Variants in DLAT observed in about 807,000 individuals in gnomAD.
DLAT encodes the protein dihydrolipoyllysine-residue acetyltransferase component of pyruvate dehydrogenase complex, mitochondrial.
DLAT carries 43 observed loss-of-function variants against 68.0 expected under a neutral mutation model. That is an observed-to-expected ratio of 0.63 (90% CI 0.50 to 0.81). The LOEUF is 0.81. DLAT is among the 40% of genes least tolerant of loss of function. The pLI, the probability that DLAT is intolerant of heterozygous loss-of-function variation, is 0.00. For missense variants in DLAT, 745 were observed against 815.4 expected (o/e 0.91, Z 1.05); for synonymous variants, 265 against 288.6 (o/e 0.92, Z 0.83).
Position 112,062,624 on chromosome 11 carries a change from A to G in DLAT, c.*89A>G. The G allele has an allele frequency of 7.0e-7, 1 of 1,431,434 alleles. No individual in the cohort carries two copies. 88.7% of individuals were successfully genotyped at this position (1,431,434 alleles called of 1,614,324 possible). On this transcript the variant is annotated 3_prime_UTR_variant, in exon 14 of 14. Coordinates refer to ENST00000280346, the MANE Select transcript of DLAT (RefSeq NM_001931.5). Reference sequence around the variant, plus strand: ...TGTTATTAAACAGGTGGTTCTTTTTATTTTAACCAGTTATTTTTATTATTG... The same window carrying G: ...TGTTATTAAACAGGTGGTTCTTTTTGTTTTAACCAGTTATTTTTATTATTG...
chr11:112,043,403 C>T lies in DLAT; in HGVS notation c.1130-63C>T, dbSNP rs372409186. 3.6e-4 allele frequency: 520 copies of T among 1,464,318 alleles called. No individual in the cohort carries two copies. The African/African-American group carries it at 6.5e-3, about 18-fold the overall frequency. 90.7% of individuals were successfully genotyped at this position (1,464,318 alleles called of 1,614,324 possible). On this transcript the variant is annotated intron_variant, in intron 7 of 13. Coordinates refer to ENST00000280346, the MANE Select transcript of DLAT (RefSeq NM_001931.5). Reference sequence around the variant, plus strand: ...AGGAGCTTGCAGTTTAGGATCACAGCGTTGATCTCCTTGGGGAACCAATGG... The same window carrying T: ...AGGAGCTTGCAGTTTAGGATCACAGTGTTGATCTCCTTGGGGAACCAATGG...
intron 5 of DLAT, among the ~76,000 whole-genome samples, chr11:112,036,202 T>G (rs1263676877): frequency 1.7e-3 from 36 of 21,226 alleles, no homozygotes; most frequent in African/African-American, 5.8e-3. Context: ...TGTGTGTGTG[T>G]TTTTTTTTTT....
chr11:112,059,540 G>A (rs782621147), intron 11 of DLAT, among the ~76,000 whole-genome samples: 5 of 151,906 alleles, frequency 3.3e-5, no homozygotes, highest in Non-Finnish European at 7.4e-5. Flanking sequence ...CTACAGCTGT[G>A]CACCACCATG....
chr11:112,036,459 C>T (rs1014462898), intron 5 of DLAT, among the ~76,000 whole-genome samples: 6 of 149,674 alleles, frequency 4.0e-5, no homozygotes, highest in East Asian at 2.0e-4. Context: ...GTGATCCACC[C>T]GCCTCGGTCT....
chr11:112,028,522 C>T lies in DLAT; in HGVS notation c.389C>T (p.Thr130Ile). Residue 130 changes from threonine (T) to isoleucine (I), a missense_variant, in exon 3 of 14, where the codon ACT becomes ATT. Coordinates refer to ENST00000280346, the MANE Select transcript of DLAT (RefSeq NM_001931.5). ...NEGDLIAEVE[T>I]DKATVGFESL... ...TGCTTTTTGTGTTAAAAGGTTGAAA[C>T]TGATAAAGCCACTGTTGGATTTGAG... 6.2e-7 allele frequency: 1 copy of T among 1,610,422 alleles called. No homozygotes were observed. The highest frequency in any genetic ancestry group is 8.5e-7 in the Non-Finnish European group (1 of 1,178,200).
chr11:112,050,778 A>G (rs587674618), intron 10 of DLAT, among the ~76,000 whole-genome samples: 2 of 152,330 alleles, frequency 1.3e-5, no homozygotes, highest in Admixed American at 6.5e-5. Context: ...TGATCTTTTC[A>G]AAGAACCAAA....
intron 4 of DLAT, 100 bp downstream of exon 4, chr11:112,029,045 G>A: frequency 7.4e-7 from 1 of 1,344,538 alleles, no homozygotes; most frequent in South Asian, 1.2e-5. Context: ...ATTAAATGTG[G>A]TTAGGTCTTG....
At chr11:112,032,893 C>A (rs1359727892) in intron 4 of DLAT, among the ~76,000 whole-genome samples, 1 of 152,082 alleles carries the variant, frequency 6.6e-6, no homozygotes, top group Non-Finnish European at 1.5e-5. Flanking sequence ...ATGGTAAAAC[C>A]CCATCTCTAC....
At chr11:112,029,747 G>T (rs1296679057) in intron 4 of DLAT, 2 of 405,016 alleles carry the variant, frequency 4.9e-6, no homozygotes, top group East Asian at 1.2e-4. Context: ...GCAGCAGCAG[G>T]CAGGGAAGCA....
In DLAT at chr11:112,025,782, C is replaced by G. The variant is rs149272698; in HGVS notation, c.279+31C>G. 2.1e-5 allele frequency: 34 copies of G among 1,611,774 alleles called. No individual in the cohort carries two copies. In the African/African-American group the frequency reaches 3.6e-4, roughly 17 times the overall value. ...CCCTAGACCCCCCTTCTCGGGACCCCGTTGTCCTTCAGAGCTGACTGGATG... is the reference window on the plus strand; with the variant it reads ...CCCTAGACCCCCCTTCTCGGGACCCGGTTGTCCTTCAGAGCTGACTGGATG... On this transcript the variant is annotated intron_variant, in intron 1 of 13. Transcript: ENST00000280346.
intron 8 of DLAT, among the ~76,000 whole-genome samples, 175 bp downstream of exon 8, chr11:112,043,708 C>A (rs1555181210): frequency 1.3e-5 from 2 of 152,100 alleles, no homozygotes. Context: ...CAGGAGCCCC[C>A]TTGTATACCA....
intron 5 of DLAT, among the ~76,000 whole-genome samples, chr11:112,034,929 A>G (rs1199118487): frequency 6.6e-6 from 1 of 151,724 alleles, no homozygotes; most frequent in Non-Finnish European, 1.5e-5. Context: ...ATGCACCACC[A>G]TGCCTGGCTA....
chr11:112,045,182 A>G lies in DLAT; in HGVS notation c.1242A>G (p.Pro414=), dbSNP rs782566195. 5.0e-6 allele frequency: 8 copies of G among 1,614,050 alleles called. No individual in the cohort carries two copies. The highest frequency in any genetic ancestry group is 6.8e-6 in the Non-Finnish European group (8 of 1,180,040). ...CTCCCACAGGTCCTGGAATGGCACC[A>G]GTTCCTACAGGTGTCTTCACAGATA... The part of the protein sequence containing the change: ...VVPPTGPGMA[P]VPTGVFTDIP... Residue 414 remains proline, a synonymous_variant, in exon 9 of 14, where the codon CCA becomes CCG. Transcript: ENST00000280346.
rs782491569 is a variant in DLAT, at chr11:112,025,709, G to A, written c.237G>A (p.Gly79=). The change falls in exon 1 of 14, where the codon GGG becomes GGA. Residue 79 remains glycine (G), a synonymous_variant. Coordinates refer to ENST00000280346, the MANE Select transcript of DLAT (RefSeq NM_001931.5). ...ACCGCTTACTGCTGCAGCTTTTGGG[G>A]TCGCCCGGCCGCCGCTATTACAGTC... is the stretch of plus-strand genomic sequence containing the variant. ...PRNRLLLQLL[G]SPGRRYYSLP... 1 of 1,612,788 alleles carries A rather than the reference G, an allele frequency of 6.2e-7. No homozygotes were observed. Among genetic ancestry groups the A allele is most frequent in the Non-Finnish European group, 8.5e-7 (1 of 1,179,936 alleles).
rs1555183010 is a variant in DLAT at position 112,059,963 on chromosome 11, T to A, written c.1575T>A (p.Ile525=). ...VSTPAGLITP[I]VFNAHIKGVE... ...CTCCTGCAGGACTCATCACACCTAT[T>A]GTGTTTAATGCACATATAAAAGGAG... Residue 525 remains isoleucine (I), a synonymous_variant, in exon 12 of 14, where the codon ATT becomes ATA. Coordinates refer to ENST00000280346, the MANE Select transcript of DLAT (RefSeq NM_001931.5). 2 of 1,613,972 alleles carry A rather than the reference T, an allele frequency of 1.2e-6. No individual in the cohort carries two copies. Among genetic ancestry groups the A allele is most frequent in the South Asian group, 2.2e-5 (2 of 91,072 alleles).
chr11:112,026,123 T>G (rs968500303), intron 1 of DLAT, 75 bp from the exon 2 acceptor site: 4 of 1,153,780 alleles, frequency 3.5e-6, no homozygotes, highest in Non-Finnish European at 5.1e-6. Flanking sequence ...GAAATTGAAT[T>G]GAATGAAATC....
intron 10 of DLAT, among the ~76,000 whole-genome samples, chr11:112,048,969 ATTT>A (rs34651095): frequency 1.3e-4 from 12 of 93,664 alleles, no homozygotes; most frequent in Admixed American, 2.5e-4. Flanking sequence ...TTTTCTCAAG[ATTT>A]TTTTTTTTTT....
chr11:112,051,374 T>C lies in DLAT; in HGVS notation c.1514+25T>C. ...AGTAAGTATAACTGGGGAAGATATATATCCATCGGTAGTTTTCTTGTATTA... is the reference window on the plus strand; with the variant it reads ...AGTAAGTATAACTGGGGAAGATATACATCCATCGGTAGTTTTCTTGTATTA... On this transcript the variant is annotated intron_variant, in intron 11 of 13. Transcript: ENST00000280346. This position sits in a 1 kb window ranked among gnomAD's most constrained non-coding sequence, Gnocchi z 4.3. 1 of 1,480,538 alleles carries C rather than the reference T, an allele frequency of 6.8e-7. No homozygotes were observed. The highest frequency in any genetic ancestry group is 9.4e-7 in the Non-Finnish European group (1 of 1,059,522). 91.7% of individuals were successfully genotyped at this position (1,480,538 alleles called of 1,614,324 possible). A position where few individuals can be genotyped will look rare whatever the true frequency, so the allele number is the denominator to read the frequency against.
chr11:112,062,376 A>G (rs782743165), intron 13 of DLAT, 30 bp from the exon 14 acceptor site: 1 of 1,611,542 alleles, frequency 6.2e-7, no homozygotes, highest in Non-Finnish European at 8.5e-7. Flanking sequence ...TTTCTTTCAG[A>G]ATATCTAAAA....
Sources: gnomAD v4.1 joint callset for allele counts (sites outside exome capture counted in the v4.1 genomes callset) on GRCh38, gnomAD v4.1.1 for gene constraint, Gnocchi (gnomAD v3.1) non-coding constraint, MANE v1.5 for transcripts, NCBI Gene and HGNC (gene_info 2026-07-23, HGNC 2026-07-21) for gene names.